Variants in GPC5 observed in about 807,000 individuals in gnomAD.
GPC5 encodes glypican 5, also known as glypican-5.
Under a neutral mutation model 53.9 loss-of-function variants are expected in GPC5, and 47 were observed. The ratio of observed to expected loss-of-function variants is 0.87; its 90% CI spans 0.69 to 1.11. The LOEUF is 1.11. Ranked by LOEUF, GPC5 falls within the 50% of genes most tolerant of loss-of-function variation. GPC5 has a pLI of 0.00. For missense variants in GPC5, 748 were observed against 713.1 expected, an observed-to-expected ratio of 1.05 and a Z score of -0.56; for synonymous variants, 286 against 263.3, an observed-to-expected ratio of 1.09 and a Z score of -0.84.
intron 7 of GPC5, among the ~76,000 whole-genome samples, chr13:92,521,946 C>T (rs1396912720): frequency 3.9e-5 from 6 of 152,076 alleles, no homozygotes; most frequent in Admixed American, 3.9e-4. Flanking sequence ...AAACAAACAA[C>T]CCCATCAACA....
intron 7 of GPC5, among the ~76,000 whole-genome samples, chr13:92,589,440 C>A (rs1433829241): frequency 6.6e-6 from 1 of 152,152 alleles, no homozygotes; most frequent in African/African-American, 2.4e-5. Context: ...TATTCCCCAG[C>A]TTTATTCCCC....
intron 2 of GPC5, among the ~76,000 whole-genome samples, chr13:91,571,959 A>G (rs866714225): frequency 2.6e-4 from 36 of 137,958 alleles, no homozygotes; most frequent in Middle Eastern, 4.1e-3. Flanking sequence ...ATACACACAT[A>G]TATGTATATA....
intron 4 of GPC5, among the ~76,000 whole-genome samples, chr13:91,751,989 C>A (rs2037187747): frequency 6.6e-6 from 1 of 152,138 alleles, no homozygotes; most frequent in Non-Finnish European, 1.5e-5. Flanking sequence ...CTCAATAGTT[C>A]TGGGGTTGAA....
At chr13:91,681,421 G>A (rs192243194) in intron 2 of GPC5, among the ~76,000 whole-genome samples, 1 of 152,304 alleles carries the variant, frequency 6.6e-6, no homozygotes, top group Admixed American at 6.5e-5. Context: ...TACCATTTCA[G>A]TGACAACTTG....
At chr13:91,420,387 C>G (rs146027440) in intron 1 of GPC5, among the ~76,000 whole-genome samples, 273 of 152,278 alleles carry the variant, frequency 1.8e-3, no homozygotes, top group African/African-American at 6.4e-3. Context: ...CACACTTCTT[C>G]TGTACCCTTG....
rs71123419 is a variant in GPC5, at chr13:92,628,264, C to CTTTTTTTTTTTTTTTTTTTTTTTTT, written c.1562-238013_1562-237989dup. On this transcript the variant is annotated intron_variant, in intron 7 of 7. Transcript: ENST00000377067. ...TTTTCTTTTCTTTTTCTTTTTCTTTCTTTTTTTTTTTTTTTTTTTTTTTTT... is the reference window on the plus strand; with the variant it reads ...TTTTCTTTTCTTTTTCTTTTTCTTTCTTTTTTTTTTTTTTTTTTTTTTTTTTTTTTTTTTTTTTTTTTTTTTTTTT... Among the ~76,000 whole-genome samples, 224 of 45,352 alleles carry CTTTTTTTTTTTTTTTTTTTTTTTTT rather than the reference C, an allele frequency of 4.9e-3. 59 individuals carry two copies. The highest frequency in any genetic ancestry group is 6.1e-3 in the Non-Finnish European group (142 of 23,118). The allele number at this position is 45,352 out of a possible 152,430, so 29.8% of individuals were successfully genotyped here.
intron 2 of GPC5, among the ~76,000 whole-genome samples, chr13:91,673,162 A>G (rs1224756327): frequency 1.3e-5 from 2 of 152,108 alleles, no homozygotes; most frequent in Admixed American, 1.3e-4. Flanking sequence ...TACCTGTGTA[A>G]CAAACCTGCA....
intron 6 of GPC5, among the ~76,000 whole-genome samples, chr13:92,073,597 G>A (rs1208952998): frequency 1.3e-5 from 2 of 152,146 alleles, no homozygotes; most frequent in African/African-American, 4.8e-5. Flanking sequence ...TTTCCTACGT[G>A]AATCTTCCTG....
chr13:92,247,617 C>T (rs1241609125), intron 7 of GPC5, among the ~76,000 whole-genome samples: 3 of 152,042 alleles, frequency 2.0e-5, no homozygotes, highest in Admixed American at 1.3e-4. Flanking sequence ...GTACATAATA[C>T]ATAGGAGGTG....
At chr13:92,836,793 A>C (rs527867470) in intron 7 of GPC5, among the ~76,000 whole-genome samples, 1 of 152,272 alleles carries the variant, frequency 6.6e-6, no homozygotes, top group African/African-American at 2.4e-5. Flanking sequence ...CTCAAATGAA[A>C]GAAATAAAGT....
Position 92,432,590 on chromosome 13 carries a change from T to C in GPC5, c.1561+287601T>C, listed in dbSNP as rs530553989. On this transcript the variant is annotated intron_variant, in intron 7 of 7. Transcript: ENST00000377067. ...CGTGATTTCGCTGTGTTAGCCAGGA[T>C]GGTCTTGATCTCCTGACCTCGTGAT... is the stretch of plus-strand genomic sequence containing the variant. Among the ~76,000 whole-genome samples the C allele has an allele frequency of 2.0e-5, 3 of 151,624 alleles. No individual in the cohort carries two copies. The East Asian group carries it at 5.9e-4, about 30-fold the overall frequency.
At chr13:92,170,371 G>A (rs988900870) in intron 7 of GPC5, among the ~76,000 whole-genome samples, 3 of 149,368 alleles carry the variant, frequency 2.0e-5, no homozygotes, top group Non-Finnish European at 3.0e-5. Context: ...TCTAAGATAG[G>A]ACTTCCTATA....
At chr13:92,705,314 C>T (rs1197039290) in intron 7 of GPC5, among the ~76,000 whole-genome samples, 1 of 151,970 alleles carries the variant, frequency 6.6e-6, no homozygotes, top group Admixed American at 6.6e-5. Context: ...CATTTTACTT[C>T]GTTTTTGTCA....
At chr13:92,740,956 A>ATGTGTG (rs1416121364) in intron 7 of GPC5, among the ~76,000 whole-genome samples, 5 of 127,026 alleles carry the variant, frequency 3.9e-5, no homozygotes, top group South Asian at 2.9e-4. Context: ...ATATATATGT[A>ATGTGTG]TGTGTATATA....
At chr13:91,456,530 AT>A (rs1427594502) in intron 2 of GPC5, among the ~76,000 whole-genome samples, 41 of 152,060 alleles carry the variant, frequency 2.7e-4, no homozygotes, top group African/African-American at 9.6e-4. Flanking sequence ...ATGATTTTTT[AT>A]TTCTTATACT....
chr13:92,626,857 T>C lies in GPC5; in HGVS notation c.1562-239425T>C, dbSNP rs142108626. Among the ~76,000 whole-genome samples the C allele has an allele frequency of 3.3e-4, 51 of 152,278 alleles. 1 individual carries two copies. In the East Asian group the frequency reaches 9.7e-3, roughly 29 times the overall value. Reference sequence around the variant, plus strand: ...GACTTACTGGTAGCTTTATAGAATTTTCAGTATATAATGAAATACACATAC... The same window carrying C: ...GACTTACTGGTAGCTTTATAGAATTCTCAGTATATAATGAAATACACATAC... On this transcript the variant is annotated intron_variant, in intron 7 of 7. Coordinates refer to ENST00000377067, the MANE Select transcript of GPC5 (RefSeq NM_004466.6).
chr13:92,685,182 C>A (rs535213488), intron 7 of GPC5, among the ~76,000 whole-genome samples: 4 of 152,218 alleles, frequency 2.6e-5, no homozygotes, highest in African/African-American at 9.6e-5. Flanking sequence ...ACCTCCATCT[C>A]ACGGGTTCAA....
intron 2 of GPC5, among the ~76,000 whole-genome samples, chr13:91,543,532 AAGAGAGAG>A (rs57091950): frequency 2.7e-5 from 4 of 150,238 alleles, no homozygotes; most frequent in Admixed American, 2.6e-4. Context: ...TGATTTTTCA[AAGAGAGAG>A]AGAGAGAGAA....
intron 1 of GPC5, among the ~76,000 whole-genome samples, chr13:91,411,502 G>A (rs1027821482): frequency 2.6e-5 from 4 of 152,170 alleles, no homozygotes; most frequent in African/African-American, 4.8e-5. Context: ...GCAGTTAATG[G>A]GAGGCAGTAG....
Sources: allele counts gnomAD v4.1 joint callset (sites outside exome capture counted in the v4.1 genomes callset), GRCh38; gene constraint gnomAD v4.1.1; transcripts MANE v1.5; gene names NCBI Gene and HGNC (gene_info 2026-07-23, HGNC 2026-07-21).